The following VPS13B variants were observed in gnomAD, a reference collection of about 807,000 sequenced individuals.
VPS13B encodes vacuolar protein sorting 13 homolog B.
A neutral mutation model predicts 426.4 loss-of-function variants in VPS13B; 285 were observed. That is an observed-to-expected ratio of 0.67 (90% CI 0.61 to 0.74). The LOEUF (loss-of-function observed/expected upper bound fraction) is 0.74, where lower values mean the gene tolerates loss of function less well. Among genes scored for constraint, VPS13B ranks in the 30% least tolerant of loss-of-function variants. The pLI, the probability that VPS13B is intolerant of heterozygous loss-of-function variation, is 0.00. For missense variants in VPS13B, 4,537 were observed against 4,782.6 expected (o/e 0.95, Z 1.51); for synonymous variants, 1,676 against 1,676.4 (o/e 1.00, Z 0.01).
chr8:99,157,754 C>T (rs761912310), intron 15 of VPS13B, among the ~76,000 whole-genome samples: 2 of 152,140 alleles, frequency 1.3e-5, no homozygotes, highest in African/African-American at 2.4e-5. Flanking sequence ...GAAAGCTAGG[C>T]CTCTTTTGCA....
At chr8:99,446,460 A>G (rs541735391) in intron 23 of VPS13B, among the ~76,000 whole-genome samples, 3 of 152,100 alleles carry the variant, frequency 2.0e-5, no homozygotes, top group Admixed American at 1.3e-4. Context: ...GAATCTTATG[A>G]GTCCTGCAAG....
At chr8:99,317,808 A>T (rs992102855) in intron 19 of VPS13B, among the ~76,000 whole-genome samples, 6 of 152,210 alleles carry the variant, frequency 3.9e-5, no homozygotes, top group Non-Finnish European at 8.8e-5. Context: ...CTTGTTCATC[A>T]TTAATGAGGA....
intron 28 of VPS13B, 127 bp downstream of exon 28, chr8:99,507,330 T>C: frequency 1.0e-6 from 1 of 996,796 alleles, no homozygotes; most frequent in South Asian, 1.4e-5. Context: ...AGCCTGTTTC[T>C]TCAAAATTAC....
Position 99,809,431 on chromosome 8 carries a change from TG to T in VPS13B, c.7999del (p.Val2667TrpfsTer50). Reference protein sequence around the residue: ...GNWRWSEPFSVDHAGTFIRTI... With the variant: ...GNWRWSEPFSXDHAGTFIRTI... ...ACTGGCGTTGGTCAGAGCCTTTCAG[TG>T]TGGACCATGCCGGGACTTTTATTAG... On this transcript the variant is annotated frameshift_variant, in exon 44 of 62. Coordinates refer to ENST00000357162, the MANE Select transcript of VPS13B (RefSeq NM_152564.5). LOFTEE classifies it high-confidence loss of function. The T allele has an allele frequency of 6.2e-7, 1 of 1,614,042 alleles. No homozygotes were observed. Among genetic ancestry groups the T allele is most frequent in the African/African-American group, 1.3e-5 (1 of 75,050 alleles).
At chr8:99,137,555 T>C (rs991736417) in intron 12 of VPS13B, among the ~76,000 whole-genome samples, 5 of 152,080 alleles carry the variant, frequency 3.3e-5, no homozygotes, top group Non-Finnish European at 7.4e-5. Flanking sequence ...AATGACAACT[T>C]TTGCTTGTGA....
intron 23 of VPS13B, among the ~76,000 whole-genome samples, chr8:99,450,002 A>T (rs538329905): frequency 6.6e-6 from 1 of 152,134 alleles, no homozygotes; most frequent in Admixed American, 6.5e-5. Flanking sequence ...ACGGGGTTTC[A>T]TCATGTTGGC....
chr8:99,069,355 G>A (rs1319774256), intron 3 of VPS13B, among the ~76,000 whole-genome samples: 2 of 152,178 alleles, frequency 1.3e-5, no homozygotes, highest in African/African-American at 4.8e-5. Flanking sequence ...GATGGATTGA[G>A]CCAGGAAGGT....
rs1390024287 is a variant in VPS13B at position 99,819,506 on chromosome 8, C to G, written c.8716C>G (p.Gln2906Glu). The change falls in exon 48 of 62, where the codon CAG (glutamine) becomes GAG (glutamate). Residue 2906 changes from glutamine to glutamate, a missense_variant. Physicochemically the swap from Gln to Glu is conservative, Grantham distance 29. Coordinates refer to ENST00000357162, the MANE Select transcript of VPS13B (RefSeq NM_152564.5). ...GGTACACCCTGGAGGCACAGTTAAT[C>G]AGATCCTTGACGAATTCTATGGGCC... ...TKVHPGGTVN[Q>E]ILDEFYGPEK... is the part of the protein sequence containing the mutation. 1 of 1,613,890 alleles carries G rather than the reference C, an allele frequency of 6.2e-7. No individual in the cohort carries two copies. Among genetic ancestry groups the G allele is most frequent in the Admixed American group, 1.7e-5 (1 of 60,000 alleles).
rs1158696637 is a variant in VPS13B at position 99,818,909 on chromosome 8, T to C, written c.8621+21T>C. On this transcript the variant is annotated intron_variant, in intron 47 of 61. Transcript: ENST00000357162. ...GCAAGGTACTAGAAAAATCCTTCCATACATTTTACATTTTCCTAGGAGAAA... is the reference window on the plus strand; with the variant it reads ...GCAAGGTACTAGAAAAATCCTTCCACACATTTTACATTTTCCTAGGAGAAA... The C allele has an allele frequency of 4.4e-6, 6 of 1,349,128 alleles. No individual in the cohort carries two copies. In the African/African-American group the frequency reaches 6.6e-5, roughly 15 times the overall value. The allele number at this position is 1,349,128 out of a possible 1,614,324, so 83.6% of individuals were successfully genotyped here.
At chr8:99,590,682 T>G (rs1038621252) in intron 33 of VPS13B, among the ~76,000 whole-genome samples, 3 of 152,208 alleles carry the variant, frequency 2.0e-5, no homozygotes, top group Non-Finnish European at 2.9e-5. Context: ...CTAATTTGAT[T>G]GCACTGTGGT....
At chr8:99,182,640 CTAAA>C (rs1285521251) in intron 16 of VPS13B, among the ~76,000 whole-genome samples, 8 of 152,168 alleles carry the variant, frequency 5.3e-5, no homozygotes, top group Non-Finnish European at 1.2e-4. Flanking sequence ...CTAGGCTTGA[CTAAA>C]TAAGTAGGCT....
At chr8:99,014,361 G>T (rs2132128123) in intron 2 of VPS13B, among the ~76,000 whole-genome samples, 1 of 151,670 alleles carries the variant, frequency 6.6e-6, no homozygotes, top group Non-Finnish European at 1.5e-5. Flanking sequence ...TAGGTGATCC[G>T]CCCGCCTCAG....
intron 19 of VPS13B, among the ~76,000 whole-genome samples, chr8:99,315,637 A>G (rs1461814401): frequency 1.4e-5 from 2 of 147,564 alleles, no homozygotes; most frequent in African/African-American, 5.0e-5. Flanking sequence ...GATTTTGTAA[A>G]TTTCTTTTTT....
At position 99,340,511 on chromosome 8, in the gene VPS13B, GT is replaced by G. The variant is rs542197862; in HGVS notation, c.2825-43695del. The stretch of plus-strand genomic sequence containing the variant: ...AGTTTTACCAAAAGTCACAGCAAAT[GT>G]TGTGCCCCATAAATGTGAAGGGGGT... On this transcript the variant is annotated intron_variant, in intron 19 of 61. Transcript: ENST00000357162. 167 of 484,316 alleles carry G rather than the reference GT, an allele frequency of 3.4e-4. 2 individuals carry two copies. In the Middle Eastern group the frequency reaches 5.3e-3, roughly 15 times the overall value. The allele number at this position is 484,316 out of a possible 1,614,324, so 30.0% of individuals were successfully genotyped here.
At chr8:99,052,400 A>C (rs1463786404) in intron 3 of VPS13B, among the ~76,000 whole-genome samples, 1 of 77,206 alleles carries the variant, frequency 1.3e-5, no homozygotes, top group African/African-American at 4.8e-5. Flanking sequence ...CTTGGTGGAT[A>C]AGCTTTTTGA....
intron 42 of VPS13B, among the ~76,000 whole-genome samples, chr8:99,783,386 T>C (rs1276115802): frequency 6.6e-6 from 1 of 152,240 alleles, no homozygotes; most frequent in Non-Finnish European, 1.5e-5. Context: ...ACTTATGATG[T>C]TTTTCTTATA....
At chr8:99,726,158 TAATA>T (rs1833341336) in intron 39 of VPS13B, among the ~76,000 whole-genome samples, 1 of 152,206 alleles carries the variant, frequency 6.6e-6, no homozygotes, top group African/African-American at 2.4e-5. Flanking sequence ...ATGTCTATAA[TAATA>T]AATCAAACTA....
At chr8:99,667,517 GAGA>G (rs1406356506) in intron 35 of VPS13B, among the ~76,000 whole-genome samples, 5 of 152,060 alleles carry the variant, frequency 3.3e-5, no homozygotes, top group African/African-American at 4.8e-5. Flanking sequence ...TTTTATTTGA[GAGA>G]AGATTAGTTT....
chr8:99,771,554 A>G (rs899750418), intron 40 of VPS13B, among the ~76,000 whole-genome samples: 11 of 152,230 alleles, frequency 7.2e-5, no homozygotes, highest in African/African-American at 2.4e-4. Context: ...CTGTGTATAT[A>G]TGAGTGTGTG....
Sources: allele counts gnomAD v4.1 joint callset (sites outside exome capture counted in the v4.1 genomes callset), GRCh38; gene constraint gnomAD v4.1.1; transcripts MANE v1.5; gene names NCBI Gene and HGNC (gene_info 2026-07-23, HGNC 2026-07-21).